The following FAT3 variants were observed in gnomAD, a reference collection of about 807,000 sequenced individuals.
FAT3 encodes the protein protocadherin Fat 3.
In FAT3, 95 loss-of-function variants were observed where a neutral mutation model predicts 310.2. The observed-to-expected ratio is 0.31, with a 90% CI of 0.26 to 0.36. FAT3 has a LOEUF of 0.36. Among genes scored for constraint, FAT3 ranks in the 10% least tolerant of loss-of-function variants. The probability of loss-of-function intolerance (pLI) is 1.00; values close to 1 mark genes in which losing one functional copy is unlikely to be tolerated. For missense variants in FAT3, 5,408 were observed against 5,715.6 expected (o/e 0.95, Z 1.74); for synonymous variants, 2,314 against 2,192.9 (o/e 1.06, Z -1.54).
intron 1 of FAT3, among the ~76,000 whole-genome samples, chr11:92,290,159 G>A (rs1045304813): frequency 3.9e-5 from 6 of 151,996 alleles, no homozygotes; most frequent in Non-Finnish European, 5.9e-5. Context: ...TCTCAATGGG[G>A]CCTTATCTGA....
At chr11:92,472,829 G>A (rs1951942607) in intron 2 of FAT3, among the ~76,000 whole-genome samples, 1 of 152,180 alleles carries the variant, frequency 6.6e-6, no homozygotes, top group Non-Finnish European at 1.5e-5. Context: ...AGTAGGCAAT[G>A]TTCAGCACTT....
At chr11:92,298,142 T>C (rs1591070849) in intron 1 of FAT3, among the ~76,000 whole-genome samples, 1 of 152,106 alleles carries the variant, frequency 6.6e-6, no homozygotes, top group Admixed American at 6.6e-5. Context: ...CCAGTACTTA[T>C]CTTGAAGCAC....
At chr11:92,576,057 TA>T (rs1305129056) in intron 3 of FAT3, among the ~76,000 whole-genome samples, 1 of 152,182 alleles carries the variant, frequency 6.6e-6, no homozygotes, top group Non-Finnish European at 1.5e-5. Context: ...ATCTGAAGTA[TA>T]ATCTCTGCCA....
rs150287882 is a variant in FAT3 at position 92,304,689 on chromosome 11, A to G, written c.-17-47407A>G. Reference sequence around the variant, plus strand: ...TTTGATGTGTGAAAGTTAAGAGGACAACTTACACCTGGAATTCACGAAACT... The same window carrying G: ...TTTGATGTGTGAAAGTTAAGAGGACGACTTACACCTGGAATTCACGAAACT... On this transcript the variant is annotated intron_variant, in intron 1 of 27. Transcript: ENST00000525166. Among the ~76,000 whole-genome samples the G allele has an allele frequency of 4.2e-3, 639 of 152,206 alleles. 7 individuals are homozygous for G. Among genetic ancestry groups the G allele is most frequent in the African/African-American group, 0.014 (581 of 41,538 alleles).
At chr11:92,559,536 C>T (rs968726950) in intron 3 of FAT3, 19 of 304,892 alleles carry the variant, frequency 6.2e-5, no homozygotes, top group African/African-American at 1.1e-4. Context: ...AGGCATGCAC[C>T]GCCATGCCCA....
intron 2 of FAT3, among the ~76,000 whole-genome samples, chr11:92,473,307 TGTG>T (rs1951958154): frequency 6.7e-6 from 1 of 149,668 alleles, no homozygotes. Context: ...TGTTCTCACT[TGTG>T]TGTGTGTGTT....
At chr11:92,741,051 A>T (rs191699233) in intron 4 of FAT3, among the ~76,000 whole-genome samples, 311 of 151,490 alleles carry the variant, frequency 2.1e-3, no homozygotes, top group Non-Finnish European at 3.3e-3. Context: ...ATATATATAT[A>T]TTTTTTTGAG....
intron 2 of FAT3, among the ~76,000 whole-genome samples, chr11:92,404,255 C>A (rs577700075): frequency 1.3e-5 from 2 of 152,028 alleles, no homozygotes; most frequent in Non-Finnish European, 2.9e-5. Context: ...TTCCAAGGAG[C>A]TTTACTTCTA....
At chr11:92,771,762 T>TAA (rs5793624) in intron 6 of FAT3, among the ~76,000 whole-genome samples, 2 of 140,624 alleles carry the variant, frequency 1.4e-5, no homozygotes, top group South Asian at 2.3e-4. Context: ...GAGAGAACTG[T>TAA]AAAAAAAAAA....
At chr11:92,547,938 G>A (rs57810128) in intron 3 of FAT3, among the ~76,000 whole-genome samples, 2 of 152,258 alleles carry the variant, frequency 1.3e-5, no homozygotes, top group East Asian at 1.9e-4. Context: ...GGCTTCTTGG[G>A]CTCCTGGCCC....
intron 1 of FAT3, among the ~76,000 whole-genome samples, chr11:92,278,526 T>C (rs566030551): frequency 2.0e-5 from 3 of 152,240 alleles, no homozygotes; most frequent in African/African-American, 7.2e-5. Flanking sequence ...CTATGTAATA[T>C]ATAGTGATGG....
At chr11:92,284,802 C>CT (rs908650744) in intron 1 of FAT3, among the ~76,000 whole-genome samples, 17 of 152,288 alleles carry the variant, frequency 1.1e-4, no homozygotes, top group African/African-American at 3.4e-4. Flanking sequence ...GATGGCCAGA[C>CT]TGTCGCATGC....
intron 2 of FAT3, among the ~76,000 whole-genome samples, chr11:92,494,875 C>T (rs375308765): frequency 4.6e-5 from 7 of 152,066 alleles, no homozygotes; most frequent in African/African-American, 1.7e-4. Flanking sequence ...CCAGGTAATC[C>T]CAACACATTA....
At chr11:92,646,699 G>A (rs1942181581) in intron 3 of FAT3, among the ~76,000 whole-genome samples, 1 of 152,180 alleles carries the variant, frequency 6.6e-6, no homozygotes, top group African/African-American at 2.4e-5. Flanking sequence ...GAGCCTGGAA[G>A]AATAGATAAG....
At chr11:92,501,010 C>T (rs967283449) in intron 2 of FAT3, among the ~76,000 whole-genome samples, 5 of 152,040 alleles carry the variant, frequency 3.3e-5, no homozygotes, top group African/African-American at 9.7e-5. Context: ...TTCCCCCTTA[C>T]ATTCCCTATG....
At chr11:92,775,573 G>A (rs1025586136) in intron 7 of FAT3, among the ~76,000 whole-genome samples, 4 of 152,096 alleles carry the variant, frequency 2.6e-5, no homozygotes, top group Non-Finnish European at 5.9e-5. Flanking sequence ...ATATGACTCT[G>A]TTTGCCTTAA....
intron 4 of FAT3, among the ~76,000 whole-genome samples, chr11:92,758,005 C>T (rs1461428028): frequency 2.0e-5 from 3 of 152,100 alleles, no homozygotes; most frequent in Non-Finnish European, 4.4e-5. Context: ...CTCTAGCTGA[C>T]CCCCCATGAG....
chr11:92,291,562 T>G (rs537239503), intron 1 of FAT3, among the ~76,000 whole-genome samples: 1 of 150,716 alleles, frequency 6.6e-6, no homozygotes, highest in South Asian at 2.1e-4. Context: ...TACAGATATA[T>G]AGTGTGTGCC....
chr11:92,583,556 C>T (rs1938945639), intron 3 of FAT3, among the ~76,000 whole-genome samples: 1 of 151,210 alleles, frequency 6.6e-6, no homozygotes, highest in Admixed American at 6.6e-5. Context: ...CCTCCTTGTC[C>T]CCCATTCTGA....
Sources: gnomAD v4.1 joint callset for allele counts (sites outside exome capture counted in the v4.1 genomes callset) on GRCh38, gnomAD v4.1.1 for gene constraint, MANE v1.5 for transcripts, NCBI Gene and HGNC (gene_info 2026-07-23, HGNC 2026-07-21) for gene names.